Variants in TMPRSS5 observed in about 807,000 individuals in gnomAD.
TMPRSS5 encodes the protein transmembrane protease serine 5.
A neutral mutation model predicts 59.7 loss-of-function variants in TMPRSS5; 45 were observed. The observed-to-expected ratio is 0.75, with a 90% CI of 0.59 to 0.97. The LOEUF is 0.97. Among genes scored for constraint, TMPRSS5 ranks in the 50% least tolerant of loss-of-function variants. The pLI, the probability that TMPRSS5 is intolerant of heterozygous loss-of-function variation, is 0.00. For missense variants in TMPRSS5, 585 were observed against 596.7 expected (o/e 0.98, Z 0.20); for synonymous variants, 225 against 232.0 (o/e 0.97, Z 0.27).
intron 11 of TMPRSS5, 130 bp from the exon 12 acceptor site, chr11:113,690,047 GC>G: frequency 1.6e-6 from 2 of 1,256,264 alleles, no homozygotes; most frequent in Non-Finnish European, 2.2e-6. Context: ...ATATCTGCTG[GC>G]CTCACCCCTC....
intron 8 of TMPRSS5, among the ~76,000 whole-genome samples, chr11:113,693,983 T>C (rs771473376): frequency 1.3e-5 from 2 of 152,188 alleles, no homozygotes; most frequent in African/African-American, 2.4e-5. Flanking sequence ...TAAAAGCTAA[T>C]GAGGCCAGGC....
Position 113,688,052 on chromosome 11 carries a change from A to C in TMPRSS5, c.*208T>G, listed in dbSNP as rs922813231. ...TTCTGTCATTGAGTCTCTAGTGAGAAAGAGGACTCTGAAATCAGGGCCCAA... is the reference window on the plus strand; with the variant it reads ...TTCTGTCATTGAGTCTCTAGTGAGACAGAGGACTCTGAAATCAGGGCCCAA... On this transcript the variant is annotated 3_prime_UTR_variant, in exon 13 of 13. Coordinates refer to ENST00000299882, the MANE Select transcript of TMPRSS5 (RefSeq NM_030770.4). 8.7e-6 allele frequency: 6 copies of C among 691,620 alleles called. No individual in the cohort carries two copies. Among genetic ancestry groups the C allele is most frequent in the Non-Finnish European group, 1.0e-5 (5 of 476,628 alleles). The allele number at this position is 691,620 out of a possible 1,614,324, so 42.8% of individuals were successfully genotyped here. A position where few individuals can be genotyped will look rare whatever the true frequency, so the allele number is the denominator to read the frequency against.
At chr11:113,706,176 A>G (rs933383366) in intron 1 of TMPRSS5, 46 bp downstream of exon 1, 2 of 1,583,340 alleles carry the variant, frequency 1.3e-6, no homozygotes, top group Admixed American at 3.6e-5. Flanking sequence ...GAGAGAAAGA[A>G]AGAGAGAGAG....
At chr11:113,705,643 C>A (rs147979174) in intron 1 of TMPRSS5, among the ~76,000 whole-genome samples, 2,118 of 152,350 alleles carry the variant, frequency 0.014, 20 homozygotes, top group Middle Eastern at 0.027. Context: ...GTCAAGCACC[C>A]ATAAGATAGT....
chr11:113,697,037 A>C, intron 5 of TMPRSS5, 66 bp from the exon 6 acceptor site: 9 of 1,289,956 alleles, frequency 7.0e-6, no homozygotes, highest in Non-Finnish European at 9.9e-6. Flanking sequence ...ATATAATACT[A>C]GTATAGTGAC....
At chr11:113,697,504 C>T in intron 4 of TMPRSS5, 86 bp from the exon 5 acceptor site, 1 of 1,485,648 alleles carries the variant, frequency 6.7e-7, no homozygotes, top group South Asian at 1.3e-5. Flanking sequence ...TTCTGTAGTA[C>T]TTGAAGAGGC....
chr11:113,690,012 T>G (rs1018468190), intron 11 of TMPRSS5, 95 bp from the exon 12 acceptor site: 2 of 1,360,214 alleles, frequency 1.5e-6, no homozygotes, highest in African/African-American at 2.9e-5. Flanking sequence ...ATCTCCTTAC[T>G]GGGCCCCGCC....
intron 2 of TMPRSS5, 174 bp from the exon 3 acceptor site, chr11:113,699,867 C>G: frequency 2.8e-6 from 4 of 1,450,212 alleles, no homozygotes; most frequent in Non-Finnish European, 3.7e-6. Context: ...TGGAGAGGGC[C>G]TGATCACTGA....
intron 1 of TMPRSS5, among the ~76,000 whole-genome samples, chr11:113,702,720 TGTGTC>T (rs1365575508): frequency 6.6e-6 from 1 of 152,152 alleles, no homozygotes; most frequent in East Asian, 1.9e-4. Flanking sequence ...CATGGTACTG[TGTGTC>T]CCAGCTGCAT....
intron 8 of TMPRSS5, 103 bp downstream of exon 8, chr11:113,694,375 A>AAGCTGGAGACAGTTGGACACG: frequency 7.7e-7 from 1 of 1,304,688 alleles, no homozygotes; most frequent in Non-Finnish European, 1.1e-6. Context: ...TTGGAGCAAA[A>AAGCTGGAGACAGTTGGACACG]AGCTGGAGAC....
chr11:113,689,496 A>G (rs1216081536), intron 12 of TMPRSS5, among the ~76,000 whole-genome samples: 1 of 152,200 alleles, frequency 6.6e-6, no homozygotes, highest in Non-Finnish European at 1.5e-5. Context: ...AAGGTTTAAC[A>G]AAGTTAGAAA....
chr11:113,704,062 G>GCTGA (rs1164451496), intron 1 of TMPRSS5, among the ~76,000 whole-genome samples: 1 of 152,152 alleles, frequency 6.6e-6, no homozygotes, highest in African/African-American at 2.4e-5. Flanking sequence ...GAGGGTTTGA[G>GCTGA]CTGATATAAT....
chr11:113,695,354 C>A (rs751048363), intron 7 of TMPRSS5, 46 bp downstream of exon 7: 1 of 1,607,598 alleles, frequency 6.2e-7, no homozygotes, highest in South Asian at 1.1e-5. Flanking sequence ...AGGGGGAACA[C>A]CCCTTCCTCT....
At chr11:113,699,213 C>G (rs1268779939) in intron 3 of TMPRSS5, among the ~76,000 whole-genome samples, 186 bp from the exon 4 acceptor site, 1 of 8,268 alleles carries the variant, frequency 1.2e-4, no homozygotes, top group Admixed American at 1.5e-3. Context: ...GTCTGTCTGT[C>G]TCTCTCTCTC....
intron 11 of TMPRSS5, 55 bp downstream of exon 11, chr11:113,690,176 G>GGCCACCCCCCCCCCCCCCCCCCCC: frequency 2.6e-6 from 1 of 388,230 alleles, no homozygotes; most frequent in Non-Finnish European, 4.2e-6. Context: ...CAGGCCCCCT[G>GGCCACCCCCCCCCCCCCCCCCCCC]CCCTCCCACC....
intron 1 of TMPRSS5, among the ~76,000 whole-genome samples, chr11:113,700,668 C>G (rs1487926428): frequency 1.3e-5 from 2 of 152,102 alleles, no homozygotes; most frequent in Non-Finnish European, 2.9e-5. Context: ...CAGAATAAAC[C>G]AACGTGGACC....
At chr11:113,689,733 T>C (rs755538379) in intron 12 of TMPRSS5, 32 bp downstream of exon 12, 9 of 1,596,142 alleles carry the variant, frequency 5.6e-6, no homozygotes, top group Non-Finnish European at 7.7e-6. Context: ...CCTTTAGAAA[T>C]CTCCCTGCCC....
chr11:113,690,189 C>A, intron 11 of TMPRSS5, 42 bp downstream of exon 11: 1 of 1,406,506 alleles, frequency 7.1e-7, no homozygotes, highest in South Asian at 1.3e-5. Flanking sequence ...CTCCCACCCC[C>A]ACCTCCACTC....
intron 2 of TMPRSS5, 136 bp downstream of exon 2, chr11:113,699,930 G>T (rs751953188): frequency 1.3e-6 from 2 of 1,524,876 alleles, no homozygotes; most frequent in Non-Finnish European, 1.8e-6. Context: ...GCAGAAGCAG[G>T]TCTGGGGATA....
Sources: allele counts gnomAD v4.1 joint callset (sites outside exome capture counted in the v4.1 genomes callset), GRCh38; gene constraint gnomAD v4.1.1; transcripts MANE v1.5; gene names NCBI Gene and HGNC (gene_info 2026-07-23, HGNC 2026-07-21).